The following SEMA3D variants were observed in gnomAD, a reference collection of about 807,000 sequenced individuals.
The protein encoded by SEMA3D is semaphorin 3D.
In SEMA3D, 84 loss-of-function variants were observed where a neutral mutation model predicts 100.1. That is an observed-to-expected ratio of 0.84 (90% CI 0.70 to 1.01). SEMA3D has a LOEUF of 1.01. Among genes scored for constraint, SEMA3D ranks in the 50% least tolerant of loss-of-function variants. SEMA3D has a pLI of 0.00. For synonymous variants in SEMA3D, 312 were observed against 320.7 expected (o/e 0.97, Z 0.29); for missense variants, 875 against 934.1 (o/e 0.94, Z 0.82).
chr7:85,054,085 A>T (rs753858717), intron 9 of SEMA3D, among the ~76,000 whole-genome samples: 4 of 152,014 alleles, frequency 2.6e-5, no homozygotes, highest in Non-Finnish European at 4.4e-5. Context: ...TATATATGGG[A>T]TAACTAGATT....
At chr7:85,130,113 C>T (rs972720442) in intron 2 of SEMA3D, among the ~76,000 whole-genome samples, 2 of 152,078 alleles carry the variant, frequency 1.3e-5, no homozygotes, top group Non-Finnish European at 2.9e-5. Flanking sequence ...AAGCATAACG[C>T]TATCTGGGAA....
chr7:85,029,217 G>C (rs1790476679), intron 12 of SEMA3D: 1 of 716,912 alleles, frequency 1.4e-6, no homozygotes. Context: ...TCATCAGATT[G>C]AAGTCACCTT....
intron 3 of SEMA3D, among the ~76,000 whole-genome samples, chr7:85,106,391 C>A (rs566003282): frequency 6.6e-6 from 1 of 152,022 alleles, no homozygotes; most frequent in African/African-American, 2.4e-5. Context: ...TTATTGACTC[C>A]AAGTAATAGA....
rs2115668252 is a variant in SEMA3D, at chr7:84,995,997, T to C, written c.*3443A>G. On this transcript the variant is annotated 3_prime_UTR_variant, in exon 19 of 19. Transcript: ENST00000284136. ...ATATCTTTTTTTTTTTTTGGTTTGT[T>C]TCTAAATTATCCATTCCCAATAAGG... 6.6e-6 allele frequency: 1 copy of C among 152,034 alleles called. No individual in the cohort carries two copies. Among genetic ancestry groups the C allele is most frequent in the East Asian group, 1.9e-4 (1 of 5,186 alleles). The allele number at this position is 152,034 out of a possible 1,614,324, so 9.4% of individuals were successfully genotyped here. A position where few individuals can be genotyped will look rare whatever the true frequency, so the allele number is the denominator to read the frequency against.
At chr7:85,219,902 A>T in the SEMA3D span, among the ~76,000 whole-genome samples, 19,725 of 152,030 alleles carry the variant, frequency 0.13, 1,574 homozygotes, top group Middle Eastern at 0.21. Context: ...TATAGAACCT[A>T]TTTAAGTCAC....
intron 2 of SEMA3D, among the ~76,000 whole-genome samples, chr7:85,153,095 C>G (rs1389832265): frequency 2.0e-5 from 3 of 152,076 alleles, no homozygotes; most frequent in Non-Finnish European, 2.9e-5. Context: ...CCAACGTGTG[C>G]AAAATTTCCC....
the SEMA3D span, among the ~76,000 whole-genome samples, chr7:85,197,800 A>C: frequency 6.6e-6 from 1 of 152,332 alleles, no homozygotes; most frequent in South Asian, 2.1e-4. Flanking sequence ...TATTTCCAAC[A>C]AAGAAATGGA....
chr7:85,059,405 A>T (rs985978710), intron 8 of SEMA3D, among the ~76,000 whole-genome samples: 2 of 152,150 alleles, frequency 1.3e-5, no homozygotes, highest in African/African-American at 4.8e-5. Context: ...AAATGATTGG[A>T]TTTCCTTATC....
intron 1 of SEMA3D, chr7:85,181,975 A>T (rs539980553): frequency 1.3e-5 from 2 of 153,308 alleles, no homozygotes; most frequent in African/African-American, 4.8e-5. Context: ...GTGTTTACCT[A>T]TGTATAAATG....
In SEMA3D at chr7:84,998,868, C is replaced by T. The variant is rs1464540469; in HGVS notation, c.*572G>A. 6.5e-6 allele frequency: 1 copy of T among 153,512 alleles called. No homozygotes were observed. The allele number at this position is 153,512 out of a possible 1,614,324, so 9.5% of individuals were successfully genotyped here. A position where few individuals can be genotyped will look rare whatever the true frequency, so the allele number is the denominator to read the frequency against. Reference sequence around the variant, plus strand: ...CAATGTTGTAGTACACTAAATTTAACCCCAGTGGCCAGAAAGAAATAATGC... The same window carrying T: ...CAATGTTGTAGTACACTAAATTTAATCCCAGTGGCCAGAAAGAAATAATGC... On this transcript the variant is annotated 3_prime_UTR_variant, in exon 19 of 19. Transcript: ENST00000284136.
At chr7:85,012,389 TC>T (rs1398610361) in intron 17 of SEMA3D, among the ~76,000 whole-genome samples, 1 of 151,704 alleles carries the variant, frequency 6.6e-6, no homozygotes, top group Non-Finnish European at 1.5e-5. Flanking sequence ...AAAACTTTTT[TC>T]TAATAAGACC....
At chr7:85,121,457 C>G (rs1295691380) in intron 3 of SEMA3D, among the ~76,000 whole-genome samples, 1 of 152,032 alleles carries the variant, frequency 6.6e-6, no homozygotes, top group African/African-American at 2.4e-5. Context: ...TAACATTTTT[C>G]TATTTTTAGG....
At chr7:85,199,253 T>A in the SEMA3D span, among the ~76,000 whole-genome samples, 1 of 152,154 alleles carries the variant, frequency 6.6e-6, no homozygotes, top group Non-Finnish European at 1.5e-5. Flanking sequence ...GATTAAGGCA[T>A]TTTTCTGTTA....
At chr7:85,024,967 A>G (rs1414478081) in intron 12 of SEMA3D, among the ~76,000 whole-genome samples, 3 of 152,074 alleles carry the variant, frequency 2.0e-5, no homozygotes, top group Admixed American at 2.0e-4. Context: ...GAGAAAGTGT[A>G]GGGAAATGAT....
At chr7:85,119,188 A>G (rs1199850432) in intron 3 of SEMA3D, among the ~76,000 whole-genome samples, 2 of 152,188 alleles carry the variant, frequency 1.3e-5, no homozygotes, top group Non-Finnish European at 2.9e-5. Flanking sequence ...TAGTTTAACC[A>G]TTGTGGAAGA....
chr7:85,217,529 G>A, the SEMA3D span, among the ~76,000 whole-genome samples: 9 of 152,044 alleles, frequency 5.9e-5, no homozygotes, highest in African/African-American at 1.9e-4. Flanking sequence ...GATAAGTGAA[G>A]AAAAGTTGGC....
chr7:85,028,736 G>T, intron 12 of SEMA3D: 1 of 195,526 alleles, frequency 5.1e-6, no homozygotes. Flanking sequence ...CCAATTTGGA[G>T]AATTGAATGC....
At chr7:85,105,387 A>G (rs1454484347) in intron 3 of SEMA3D, among the ~76,000 whole-genome samples, 1 of 152,054 alleles carries the variant, frequency 6.6e-6, no homozygotes, top group Non-Finnish European at 1.5e-5. Context: ...TTAACTTGGC[A>G]TCAGCTGACC....
chr7:85,045,743 G>C (rs1790989413), intron 9 of SEMA3D, among the ~76,000 whole-genome samples: 1 of 151,804 alleles, frequency 6.6e-6, no homozygotes. Context: ...GTGAGAAGAT[G>C]TATATCTGGA....
Sources: gnomAD v4.1 joint callset for allele counts (sites outside exome capture counted in the v4.1 genomes callset) on GRCh38, gnomAD v4.1.1 for gene constraint, MANE v1.5 for transcripts, NCBI Gene and HGNC (gene_info 2026-07-23, HGNC 2026-07-21) for gene names.